TUFT1: variants seen among roughly 807,000 people sequenced by gnomAD.
TUFT1 encodes the protein tuftelin 1.
In TUFT1, 43 loss-of-function variants were observed where a neutral mutation model predicts 57.8. That is an observed-to-expected ratio of 0.74 (90% CI 0.58 to 0.96). The LOEUF is 0.96. TUFT1 is among the 40% of genes least tolerant of loss of function. TUFT1 has a pLI of 0.00. For synonymous variants in TUFT1, 166 were observed against 176.7 expected (o/e 0.94, Z 0.48); for missense variants, 459 against 489.0 (o/e 0.94, Z 0.58).
intron 7 of TUFT1, 61 bp from the exon 8 acceptor site, chr1:151,574,208 GT>G (rs1260207596): frequency 3.8e-6 from 6 of 1,563,754 alleles, no homozygotes; most frequent in Middle Eastern, 1.7e-4. Context: ...CTTTTCTAAG[GT>G]TTTTTTCCAT....
At chr1:151,579,563 G>C (rs1666579965) in intron 10 of TUFT1, 86 bp from the exon 11 acceptor site, 1 of 1,381,108 alleles carries the variant, frequency 7.2e-7, no homozygotes, top group African/African-American at 1.4e-5. Flanking sequence ...GGGCTCTGCT[G>C]CCTTCCCCAG....
Position 151,574,405 on chromosome 1 carries a change from G to A in TUFT1, c.723+7G>A, listed in dbSNP as rs536452418. ...CTTGCTAGGGATGGAGACGGTAACC[G>A]GGGGATCTTGCTTGTCAGTGCCTGG... On this transcript the variant is annotated splice_region_variant and intron_variant, in intron 8 of 12. Transcript: ENST00000368849. 2.5e-6 allele frequency: 4 copies of A among 1,613,658 alleles called. No homozygotes were observed. The highest frequency in any genetic ancestry group is 2.7e-5 in the African/African-American group (2 of 75,030).
Sources: allele counts gnomAD v4.1 joint callset, GRCh38; gene constraint gnomAD v4.1.1; transcripts MANE v1.5; gene names NCBI Gene and HGNC (gene_info 2026-07-23, HGNC 2026-07-21).